Variants in ZYG11B observed in about 807,000 individuals in gnomAD.
ZYG11B encodes the protein zyg-11 family member B, cell cycle regulator.
A neutral mutation model predicts 82.4 loss-of-function variants in ZYG11B; 36 were observed. The ratio of observed to expected loss-of-function variants is 0.44; its 90% CI spans 0.33 to 0.58. ZYG11B has a LOEUF of 0.58. Among genes scored for constraint, ZYG11B ranks in the 20% least tolerant of loss-of-function variants. The probability of loss-of-function intolerance (pLI) is 0.02; values close to 1 mark genes in which losing one functional copy is unlikely to be tolerated. For missense variants in ZYG11B, 552 were observed against 895.6 expected (o/e 0.62, Z 4.90); for synonymous variants, 303 against 312.8 (o/e 0.97, Z 0.33).
chr1:52,758,712 T>A (rs1339235374), intron 2 of ZYG11B, among the ~76,000 whole-genome samples: 1 of 152,126 alleles, frequency 6.6e-6, no homozygotes, highest in Non-Finnish European at 1.5e-5. Flanking sequence ...TTGGAATAAT[T>A]TAGGAAAGAA....
intron 4 of ZYG11B, among the ~76,000 whole-genome samples, chr1:52,783,832 G>T (rs939818641): frequency 7.0e-6 from 1 of 142,452 alleles, no homozygotes; most frequent in East Asian, 2.1e-4. Context: ...GTATACATAC[G>T]TGTGTATATG....
chr1:52,815,629 A>G (rs1645216975), intron 12 of ZYG11B, among the ~76,000 whole-genome samples: 1 of 151,706 alleles, frequency 6.6e-6, no homozygotes, highest in Admixed American at 6.6e-5. Flanking sequence ...CAAATAAATA[A>G]ATAAATGTAA....
chr1:52,741,315 A>AAAAAG (rs56832647), intron 1 of ZYG11B, among the ~76,000 whole-genome samples: 10,629 of 141,322 alleles, frequency 0.075, 1,004 homozygotes, highest in East Asian at 0.29. Context: ...AAAAAAAAAA[A>AAAAAG]AAAAGAAAAG....
At chr1:52,802,446 G>A (rs114097717) in intron 10 of ZYG11B, among the ~76,000 whole-genome samples, 3,977 of 147,732 alleles carry the variant, frequency 0.027, 145 homozygotes, top group East Asian at 0.18. Flanking sequence ...CTCCTGCTGA[G>A]CTCAAGCAGT....
Position 52,821,818 on chromosome 1 carries a change from G to A in ZYG11B, c.*189G>A. The A allele has an allele frequency of 4.4e-6, 2 of 454,354 alleles. No homozygotes were observed. The highest frequency in any genetic ancestry group is 7.6e-6 in the Non-Finnish European group (2 of 261,952). 28.1% of individuals were successfully genotyped at this position (454,354 alleles called of 1,614,324 possible). Reference sequence around the variant, plus strand: ...TTGTCTTGTGATTTTAAACTTATGAGTCAAGAAGGGTCTCTTCCTTTATCA... The same window carrying A: ...TTGTCTTGTGATTTTAAACTTATGAATCAAGAAGGGTCTCTTCCTTTATCA... On this transcript the variant is annotated 3_prime_UTR_variant, in exon 14 of 14. Coordinates refer to ENST00000294353, the MANE Select transcript of ZYG11B (RefSeq NM_024646.3).
At chr1:52,774,278 C>G (rs910234163) in intron 3 of ZYG11B, among the ~76,000 whole-genome samples, 1 of 150,938 alleles carries the variant, frequency 6.6e-6, no homozygotes, top group Non-Finnish European at 1.5e-5. Flanking sequence ...GTAGCTGGGA[C>G]CACAAGCATG....
At chr1:52,729,767 G>T (rs897442698) in intron 1 of ZYG11B, among the ~76,000 whole-genome samples, 39 of 152,100 alleles carry the variant, frequency 2.6e-4, no homozygotes, top group Non-Finnish European at 4.4e-4. Flanking sequence ...TTGAACCCAG[G>T]AGGTGGAGGT....
chr1:52,734,759 G>C (rs988460690), intron 1 of ZYG11B, among the ~76,000 whole-genome samples: 1 of 151,502 alleles, frequency 6.6e-6, no homozygotes, highest in Non-Finnish European at 1.5e-5. Context: ...ATGGAGTTTC[G>C]CTCTTGTTGC....
chr1:52,776,553 T>C (rs1193459224), intron 3 of ZYG11B, among the ~76,000 whole-genome samples: 4 of 141,078 alleles, frequency 2.8e-5, no homozygotes, highest in Non-Finnish European at 6.1e-5. Flanking sequence ...AAAAAAAAAA[T>C]TGGCTTAGAG....
At chr1:52,810,812 A>G (rs2149964070) in intron 10 of ZYG11B, among the ~76,000 whole-genome samples, 1 of 152,240 alleles carries the variant, frequency 6.6e-6, no homozygotes, top group Admixed American at 6.5e-5. Flanking sequence ...AGGCGGGCGG[A>G]TCACCTGAGG....
chr1:52,754,148 C>T, intron 1 of ZYG11B, among the ~76,000 whole-genome samples: 1 of 151,824 alleles, frequency 6.6e-6, no homozygotes, highest in South Asian at 2.1e-4. Flanking sequence ...GCCTCAGCCT[C>T]CCAAGTAGCT....
At chr1:52,821,368 TGGAATAA>T in intron 13 of ZYG11B, 64 bp from the exon 14 acceptor site, 2 of 1,461,834 alleles carry the variant, frequency 1.4e-6, no homozygotes, top group Non-Finnish European at 1.8e-6. Flanking sequence ...CATTTTTTTG[TGGAATAA>T]TTTTCAAGTG....
Position 52,825,523 on chromosome 1 carries a change from A to G in ZYG11B, c.*3894A>G, listed in dbSNP as rs1645317279. 1 of 152,088 alleles carries G rather than the reference A, an allele frequency of 6.6e-6. No homozygotes were observed. Among genetic ancestry groups the G allele is most frequent in the Admixed American group, 6.6e-5 (1 of 15,254 alleles). The allele number at this position is 152,088 out of a possible 1,614,324, so 9.4% of individuals were successfully genotyped here. On this transcript the variant is annotated 3_prime_UTR_variant, in exon 14 of 14. Coordinates refer to ENST00000294353, the MANE Select transcript of ZYG11B (RefSeq NM_024646.3). The stretch of plus-strand genomic sequence containing the variant: ...TGCTTTCGTGATATATTTCATTTGC[A>G]AACTTCTACATAATCAAGTTTTATG...
intron 8 of ZYG11B, 144 bp downstream of exon 8, chr1:52,796,928 T>TATA (rs1558137213): frequency 9.4e-6 from 1 of 106,606 alleles, no homozygotes; most frequent in Non-Finnish European, 1.8e-5. Context: ...TTATATATAA[T>TATA]TATATATTAT....
rs148680118 is a variant in ZYG11B at position 52,747,458 on chromosome 1, G to T, written c.31-9000G>T. ...ATTATTCTGTTTGAGAGATGATATG[G>T]TGTAGCAGAAAAAGTATGGACTTCA... On this transcript the variant is annotated intron_variant, in intron 1 of 13. Coordinates refer to ENST00000294353, the MANE Select transcript of ZYG11B (RefSeq NM_024646.3). Among the ~76,000 whole-genome samples, 249 of 152,188 alleles carry T rather than the reference G, an allele frequency of 1.6e-3. 1 individual carries two copies. The highest frequency in any genetic ancestry group is 2.8e-3 in the Non-Finnish European group (191 of 68,010).
At chr1:52,775,609 T>C (rs776311992) in intron 3 of ZYG11B, among the ~76,000 whole-genome samples, 1 of 152,082 alleles carries the variant, frequency 6.6e-6, no homozygotes, top group Non-Finnish European at 1.5e-5. Flanking sequence ...GAGAATTGCT[T>C]GAACCTGGGA....
chr1:52,749,296 C>G (rs1398101132), intron 1 of ZYG11B, among the ~76,000 whole-genome samples: 1 of 152,134 alleles, frequency 6.6e-6, no homozygotes, highest in African/African-American at 2.4e-5. Flanking sequence ...GTGAAAATAT[C>G]TGTTACAGTA....
rs56870311 is a variant in ZYG11B, at chr1:52,779,562, C to T, written c.952-291C>T. Reference sequence around the variant, plus strand: ...CTGGAGTGCAGTGGCGTGATCTCAGCTCACTGTAACCTCCGCCTCCTGGGT... The same window carrying T: ...CTGGAGTGCAGTGGCGTGATCTCAGTTCACTGTAACCTCCGCCTCCTGGGT... On this transcript the variant is annotated intron_variant, in intron 3 of 13. Transcript: ENST00000294353. Among the ~76,000 whole-genome samples the T allele has an allele frequency of 6.1e-3, 933 of 152,290 alleles. 5 individuals carry two copies. Among genetic ancestry groups the T allele is most frequent in the African/African-American group, 0.021 (883 of 41,552 alleles).
chr1:52,733,971 T>C (rs534628104), intron 1 of ZYG11B, among the ~76,000 whole-genome samples: 26 of 152,174 alleles, frequency 1.7e-4, no homozygotes, highest in Admixed American at 2.0e-4. Context: ...TTCAAAAATA[T>C]ACAAATTGAA....
Sources: gnomAD v4.1 joint callset for allele counts (sites outside exome capture counted in the v4.1 genomes callset) on GRCh38, gnomAD v4.1.1 for gene constraint, MANE v1.5 for transcripts, NCBI Gene and HGNC (gene_info 2026-07-23, HGNC 2026-07-21) for gene names.